The following PID1 variants were observed in gnomAD, a reference collection of about 807,000 sequenced individuals.
PID1 encodes PTB-containing, cubilin and LRP1-interacting protein.
In PID1, 10 loss-of-function variants were observed where a neutral mutation model predicts 19.1. The observed-to-expected ratio is 0.52, with a 90% CI of 0.32 to 0.89. PID1 has a LOEUF of 0.89. Among genes scored for constraint, PID1 ranks in the 40% least tolerant of loss-of-function variants. The pLI is 0.03. For synonymous variants in PID1, 130 were observed against 116.0 expected (o/e 1.12, Z -0.78); for missense variants, 248 against 285.3 (o/e 0.87, Z 0.94).
intron 2 of PID1, among the ~76,000 whole-genome samples, chr2:229,120,914 C>T (rs1574645230): frequency 6.6e-6 from 1 of 152,044 alleles, no homozygotes; most frequent in East Asian, 1.9e-4. Context: ...AAGGTTCCTC[C>T]TCCTGTCCCT....
intron 1 of PID1, among the ~76,000 whole-genome samples, chr2:229,255,645 C>T (rs1008321998): frequency 4.6e-5 from 7 of 152,084 alleles, no homozygotes; most frequent in Non-Finnish European, 7.4e-5. Flanking sequence ...AGTAAAATTC[C>T]CCAAAATAAT....
chr2:229,112,686 T>C (rs200005460), intron 2 of PID1, among the ~76,000 whole-genome samples: 1 of 152,224 alleles, frequency 6.6e-6, no homozygotes, highest in African/African-American at 2.4e-5. Flanking sequence ...GGTTTCACCA[T>C]GTTTCCCAGG....
intron 1 of PID1, among the ~76,000 whole-genome samples, chr2:229,227,017 G>A (rs1692092490): frequency 6.6e-6 from 1 of 152,166 alleles, no homozygotes. Context: ...TGTTTAGGCA[G>A]AGAAATTGTT....
chr2:229,192,108 C>T (rs1344089540), intron 1 of PID1, among the ~76,000 whole-genome samples: 2 of 151,676 alleles, frequency 1.3e-5, no homozygotes, highest in Non-Finnish European at 2.9e-5. Flanking sequence ...AAAAGAAAGC[C>T]AAACCAAAAA....
chr2:229,243,674 G>A (rs1689931648), intron 1 of PID1, among the ~76,000 whole-genome samples: 1 of 152,042 alleles, frequency 6.6e-6, no homozygotes, highest in South Asian at 2.1e-4. Flanking sequence ...TGAAAAACAA[G>A]AATGAAACAA....
chr2:229,127,523 T>C (rs561878841), intron 2 of PID1, among the ~76,000 whole-genome samples: 107 of 152,276 alleles, frequency 7.0e-4, no homozygotes, highest in African/African-American at 2.5e-3. Context: ...GAAAAGGACA[T>C]AGGACAGCCT....
intron 2 of PID1, among the ~76,000 whole-genome samples, chr2:229,139,404 T>C (rs7561580): frequency 0.22 from 33,231 of 152,056 alleles, 4,100 homozygotes; most frequent in South Asian, 0.48. Flanking sequence ...ACAAATACAA[T>C]GAAAATACAT....
chr2:229,054,725 G>C (rs960752464), intron 2 of PID1, among the ~76,000 whole-genome samples: 10 of 115,636 alleles, frequency 8.6e-5, no homozygotes, highest in South Asian at 3.5e-4. Context: ...TGTGTGGGGG[G>C]GGGGGGGGGT....
intron 2 of PID1, among the ~76,000 whole-genome samples, chr2:229,145,321 C>T (rs962054111): frequency 6.6e-6 from 1 of 151,416 alleles, no homozygotes; most frequent in African/African-American, 2.4e-5. Flanking sequence ...CACTGGAAAC[C>T]ATAAGGCACA....
intron 1 of PID1, among the ~76,000 whole-genome samples, chr2:229,192,095 TA>T (rs1347184483): frequency 6.6e-6 from 1 of 152,080 alleles, no homozygotes; most frequent in Non-Finnish European, 1.5e-5. Flanking sequence ...ATAGGGGGTA[TA>T]AAAAAGAAAG....
intron 1 of PID1, among the ~76,000 whole-genome samples, chr2:229,202,203 T>A (rs1362464459): frequency 6.6e-6 from 1 of 152,018 alleles, no homozygotes; most frequent in Non-Finnish European, 1.5e-5. Flanking sequence ...CGTCTGGAAG[T>A]GTAACAAAAC....
chr2:229,082,792 C>A (rs1694693758), intron 2 of PID1, among the ~76,000 whole-genome samples: 1 of 152,160 alleles, frequency 6.6e-6, no homozygotes, highest in African/African-American at 2.4e-5. Flanking sequence ...GCTCAGCCAA[C>A]ATCTAGATTT....
intron 2 of PID1, among the ~76,000 whole-genome samples, chr2:229,146,142 A>T (rs945788978): frequency 6.6e-6 from 1 of 152,152 alleles, no homozygotes; most frequent in African/African-American, 2.4e-5. Flanking sequence ...CATGGTGTGT[A>T]TGTGCCACAT....
rs1188605783 is a variant in PID1, at chr2:229,114,196, C to CACACAT, written c.177+41621_177+41622insATGTGT. ...ACAAACACACACACACACACACACA[C>CACACAT]ACACAACACAACACATGCATACATC... is the stretch of plus-strand genomic sequence containing the variant. On this transcript the variant is annotated intron_variant, in intron 2 of 2. Coordinates refer to ENST00000392055, the MANE Select transcript of PID1 (RefSeq NM_001100818.2). 1.6e-3 allele frequency among the ~76,000 whole-genome samples: 239 copies of CACACAT among 148,398 alleles called. 1 individual carries two copies. The highest frequency in any genetic ancestry group is 5.5e-3 in the African/African-American group (221 of 40,348).
intron 2 of PID1, among the ~76,000 whole-genome samples, chr2:229,113,005 A>G (rs1695329850): frequency 6.6e-6 from 1 of 152,172 alleles, no homozygotes; most frequent in Non-Finnish European, 1.5e-5. Flanking sequence ...GAAATTCAGT[A>G]ACGTATGCTA....
chr2:229,089,208 GCTGCTTGCCTGCAGCTATTACTTGT>G (rs1333620544), intron 2 of PID1, among the ~76,000 whole-genome samples: 1 of 152,138 alleles, frequency 6.6e-6, no homozygotes, highest in Non-Finnish European at 1.5e-5. Context: ...ACTCGCACTT[GCTGCTTGCCTGCAGCTATTACTTGT>G]CTGATATTGG....
chr2:229,036,584 C>T (rs1693668358), intron 2 of PID1, among the ~76,000 whole-genome samples: 1 of 152,006 alleles, frequency 6.6e-6, no homozygotes, highest in African/African-American at 2.4e-5. Context: ...TCCTCCTCTA[C>T]TAAAAATACA....
chr2:229,126,912 A>G (rs1236904211), intron 2 of PID1, among the ~76,000 whole-genome samples: 1 of 152,210 alleles, frequency 6.6e-6, no homozygotes, highest in African/African-American at 2.4e-5. Context: ...CAACACTCTA[A>G]TAAGGCGAAG....
intron 2 of PID1, among the ~76,000 whole-genome samples, chr2:229,134,231 G>GTGTTTTTTTTTTTTTTTT (rs1689808417): frequency 9.2e-6 from 1 of 109,220 alleles, no homozygotes; most frequent in African/African-American, 3.6e-5. Context: ...TACTACCTGT[G>GTGTTTTTTTTTTTTTTTT]TTTTTTTTTT....
Sources: gnomAD v4.1 joint callset for allele counts (sites outside exome capture counted in the v4.1 genomes callset) on GRCh38, gnomAD v4.1.1 for gene constraint, MANE v1.5 for transcripts, NCBI Gene and HGNC (gene_info 2026-07-23, HGNC 2026-07-21) for gene names.